Variants in CELF5 observed in about 807,000 individuals in gnomAD.
The protein encoded by CELF5 is CUG-BP and ETR-3 like factor 5.
CELF5 carries 6 observed loss-of-function variants against 54.9 expected under a neutral mutation model. That is an observed-to-expected ratio of 0.11 (90% CI 0.06 to 0.22). CELF5 has a LOEUF of 0.22. Among genes scored for constraint, CELF5 ranks in the 10% least tolerant of loss-of-function variants. CELF5 has a pLI of 1.00. For missense variants in CELF5, 401 were observed against 678.6 expected, an observed-to-expected ratio of 0.59 and a Z score of 4.54; for synonymous variants, 271 against 290.9, an observed-to-expected ratio of 0.93 and a Z score of 0.70.
chr19:3,241,166 G>A (rs1041698239), intron 1 of CELF5, among the ~76,000 whole-genome samples: 1 of 151,340 alleles, frequency 6.6e-6, no homozygotes, highest in Non-Finnish European at 1.5e-5. Flanking sequence ...GGTTCAAGCA[G>A]TTCTTCTGCC....
At chr19:3,277,404 AGAT>A (rs1486540585) in intron 4 of CELF5, among the ~76,000 whole-genome samples, 1 of 152,194 alleles carries the variant, frequency 6.6e-6, no homozygotes, top group Non-Finnish European at 1.5e-5. Flanking sequence ...CCCGGGAGGC[AGAT>A]GTTGCAGTGA....
chr19:3,291,653 A>C (rs1044296646), intron 11 of CELF5, among the ~76,000 whole-genome samples: 69 of 150,312 alleles, frequency 4.6e-4, no homozygotes, highest in Non-Finnish European at 5.9e-5. Flanking sequence ...TCCCAGGCAG[A>C]GGGAACAGCC....
Position 3,293,263 on chromosome 19 carries a change from A to T in CELF5, c.1331-56A>T. 8 of 1,604,034 alleles carry T rather than the reference A, an allele frequency of 5.0e-6. 1 individual carries two copies. In the South Asian group the frequency reaches 9.0e-5, roughly 18 times the overall value. On this transcript the variant is annotated intron_variant, in intron 11 of 12. Coordinates refer to ENST00000292672, the MANE Select transcript of CELF5 (RefSeq NM_021938.4). The stretch of plus-strand genomic sequence containing the variant: ...CGGGAAGCCAGGGCCACAGCATAGG[A>T]ACAAGCCGAGGACACCCGCAGCGCC...
At chr19:3,248,530 G>T (rs1003747064) in intron 1 of CELF5, among the ~76,000 whole-genome samples, 3 of 152,130 alleles carry the variant, frequency 2.0e-5, no homozygotes, top group African/African-American at 7.2e-5. Context: ...CCCACGTTGT[G>T]TCAGGTATCA....
chr19:3,252,164 G>A (rs1466754405), intron 2 of CELF5, among the ~76,000 whole-genome samples: 1 of 152,130 alleles, frequency 6.6e-6, no homozygotes, highest in East Asian at 1.9e-4. Flanking sequence ...GGCCTCCTGA[G>A]TAGCTGGGAC....
intron 5 of CELF5, among the ~76,000 whole-genome samples, chr19:3,280,555 A>G (rs1568358928): frequency 1.3e-5 from 2 of 152,144 alleles, no homozygotes; most frequent in Non-Finnish European, 2.9e-5. Flanking sequence ...AGCCTGGGCA[A>G]CAAGAGCGAA....
intron 1 of CELF5, among the ~76,000 whole-genome samples, chr19:3,232,653 G>T (rs1173300075): frequency 2.6e-5 from 4 of 151,464 alleles, no homozygotes; most frequent in African/African-American, 9.7e-5. Context: ...AGTCAAAATA[G>T]TCAACAGGCT....
At chr19:3,285,105 C>A in intron 9 of CELF5, 141 bp downstream of exon 9, 1 of 659,652 alleles carries the variant, frequency 1.5e-6, no homozygotes. Flanking sequence ...CAGGGCCCAC[C>A]CTTAGCCCCT....
At chr19:3,252,360 G>C (rs183973530) in intron 2 of CELF5, among the ~76,000 whole-genome samples, 22 of 152,322 alleles carry the variant, frequency 1.4e-4, no homozygotes, top group Admixed American at 3.9e-4. Context: ...GGTCAGCTTT[G>C]TCCTCTTTGG....
chr19:3,291,773 T>C (rs1302917863), intron 11 of CELF5, among the ~76,000 whole-genome samples: 1 of 134,520 alleles, frequency 7.4e-6, no homozygotes, highest in Non-Finnish European at 1.6e-5. Context: ...AGGGGGAACA[T>C]GGAGAGGGGA....
intron 4 of CELF5, 144 bp from the exon 5 acceptor site, chr19:3,277,887 G>A: frequency 1.6e-6 from 1 of 644,642 alleles, no homozygotes; most frequent in South Asian, 1.8e-5. Context: ...GCAAACGGCT[G>A]GCTGTCTTTC....
At position 3,228,636 on chromosome 19, in the gene CELF5, G is replaced by A. The variant is rs984049754; in HGVS notation, c.259+3638G>A. 1.3e-5 allele frequency among the ~76,000 whole-genome samples: 2 copies of A among 151,084 alleles called. No homozygotes were observed. The highest frequency in any genetic ancestry group is 2.4e-5 in the African/African-American group (1 of 41,250). On this transcript the variant is annotated intron_variant, in intron 1 of 12. Transcript: ENST00000292672. The surrounding 1 kb of genome is among the most constrained non-coding windows in gnomAD (Gnocchi z 6.0). ...CAGGTGGGGGGGGGGCCCGGCGGGG[G>A]CCCGGGTGGGGGCCCGCGGTTTCCA... is the stretch of plus-strand genomic sequence containing the variant.
In CELF5 at chr19:3,284,830, C is replaced by A. The variant is rs933768696; in HGVS notation, c.1040-72C>A. The A allele has an allele frequency of 6.8e-6, 9 of 1,326,572 alleles. No individual in the cohort carries two copies. In the South Asian group the frequency reaches 7.2e-5, roughly 11 times the overall value. The allele number at this position is 1,326,572 out of a possible 1,614,324, so 82.2% of individuals were successfully genotyped here. ...GGGGTGTTTGTTGCTGTCCTTGCGGCTCTTAAGGATCGGGGGTGGATGGAA... is the reference window on the plus strand; with the variant it reads ...GGGGTGTTTGTTGCTGTCCTTGCGGATCTTAAGGATCGGGGGTGGATGGAA... On this transcript the variant is annotated intron_variant, in intron 8 of 12. Coordinates refer to ENST00000292672, the MANE Select transcript of CELF5 (RefSeq NM_021938.4).
intron 8 of CELF5, among the ~76,000 whole-genome samples, chr19:3,283,862 G>A (rs1301750112): frequency 2.0e-5 from 3 of 150,634 alleles, no homozygotes; most frequent in East Asian, 4.0e-4. Flanking sequence ...TCACTCTGTC[G>A]CCCAGGCTGG....
At chr19:3,229,403 C>T (rs985006969) in intron 1 of CELF5, among the ~76,000 whole-genome samples, 2 of 152,172 alleles carry the variant, frequency 1.3e-5, no homozygotes, top group African/African-American at 4.8e-5. Flanking sequence ...ACTGGGCTTA[C>T]AAGGCACCGA....
Position 3,294,810 on chromosome 19 carries a change from G to A in CELF5, c.*40+1324G>A, listed in dbSNP as rs1353902306. 3 of 152,222 alleles carry A rather than the reference G, an allele frequency of 2.0e-5. No homozygotes were observed. The East Asian group carries it at 5.8e-4, about 29-fold the overall frequency. 9.4% of individuals were successfully genotyped at this position (152,222 alleles called of 1,614,324 possible). A position where few individuals can be genotyped will look rare whatever the true frequency, so the allele number is the denominator to read the frequency against. On this transcript the variant is annotated intron_variant, in intron 12 of 12. Transcript: ENST00000292672. ...AGACAGAAAATAAACAGAAATATCT[G>A]TCCCCAGCTGCCAGAGGAGGAGGAA...
chr19:3,276,274 T>G (rs12980036), intron 4 of CELF5, among the ~76,000 whole-genome samples: 74 of 81,410 alleles, frequency 9.1e-4, no homozygotes, highest in South Asian at 1.6e-3. Context: ...TGGGGAGGGG[T>G]GGGGCTTCTC....
intron 4 of CELF5, among the ~76,000 whole-genome samples, chr19:3,277,672 C>A (rs1436769248): frequency 6.6e-6 from 1 of 152,098 alleles, no homozygotes; most frequent in Non-Finnish European, 1.5e-5. Flanking sequence ...GGTGCAGTGG[C>A]CTCTGTATGT....
In CELF5 at chr19:3,235,816, G is replaced by T. The variant is rs963954488; in HGVS notation, c.259+10818G>T. The stretch of plus-strand genomic sequence containing the variant: ...TGGATGGATGGATGGATGGATGGAT[G>T]TGTGGATGGATGGATGGATGGATGA... On this transcript the variant is annotated intron_variant, in intron 1 of 12. Transcript: ENST00000292672. Among the ~76,000 whole-genome samples, 95 of 149,920 alleles carry T rather than the reference G, an allele frequency of 6.3e-4. 1 individual carries two copies. Among genetic ancestry groups the T allele is most frequent in the Non-Finnish European group, 9.5e-4 (64 of 67,232 alleles).
Sources: allele counts gnomAD v4.1 joint callset (sites outside exome capture counted in the v4.1 genomes callset), GRCh38; gene constraint gnomAD v4.1.1; non-coding constraint Gnocchi (gnomAD v3.1); transcripts MANE v1.5; gene names NCBI Gene and HGNC (gene_info 2026-07-23, HGNC 2026-07-21).